The following SUGCT variants were observed in gnomAD, a reference collection of about 807,000 sequenced individuals.
SUGCT encodes the protein succinyl-CoA:glutarate-CoA transferase.
In SUGCT, 41 loss-of-function variants were observed where a neutral mutation model predicts 55.0. That is an observed-to-expected ratio of 0.74 (90% CI 0.58 to 0.97). The LOEUF (loss-of-function observed/expected upper bound fraction) is 0.97. Ranked by LOEUF, SUGCT falls within the 50% of genes least tolerant of loss-of-function variation. The pLI, the probability that SUGCT is intolerant of heterozygous loss-of-function variation, is 0.00. For synonymous variants in SUGCT, 187 were observed against 200.4 expected (o/e 0.93, Z 0.56); for missense variants, 568 against 547.8 (o/e 1.04, Z -0.37).
chr7:40,459,312 C>A, intron 11 of SUGCT, 114 bp downstream of exon 11: 1 of 693,236 alleles, frequency 1.4e-6, no homozygotes. Context: ...AATTCTCTTC[C>A]ATTTTACAAA....
chr7:40,204,806 A>G (rs979521918), intron 6 of SUGCT, among the ~76,000 whole-genome samples: 9 of 151,966 alleles, frequency 5.9e-5, no homozygotes, highest in Middle Eastern at 3.4e-3. Context: ...TGATGACACA[A>G]GCCTGTAGTT....
chr7:40,202,370 G>T (rs959200729), intron 6 of SUGCT, among the ~76,000 whole-genome samples: 2 of 152,048 alleles, frequency 1.3e-5, no homozygotes, highest in African/African-American at 4.8e-5. Context: ...CCAACTTCAG[G>T]CTACTTTCTT....
intron 7 of SUGCT, among the ~76,000 whole-genome samples, chr7:40,260,076 G>A (rs1472170437): frequency 6.6e-6 from 1 of 152,142 alleles, no homozygotes; most frequent in Non-Finnish European, 1.5e-5. Flanking sequence ...TATGGGACAG[G>A]CCCCTGAATC....
the SUGCT span, among the ~76,000 whole-genome samples, chr7:40,872,401 G>A: frequency 6.6e-6 from 1 of 152,120 alleles, no homozygotes; most frequent in Non-Finnish European, 1.5e-5. Flanking sequence ...TTCTAACGTG[G>A]AGGAAGCAAA....
the SUGCT span, among the ~76,000 whole-genome samples, chr7:40,866,621 C>T: frequency 1.3e-5 from 2 of 151,630 alleles, no homozygotes; most frequent in African/African-American, 4.9e-5. Context: ...AGACTGAAGC[C>T]CCCATTCTCA....
chr7:40,995,438 A>G, the SUGCT span, among the ~76,000 whole-genome samples: 1 of 149,610 alleles, frequency 6.7e-6, no homozygotes, highest in Non-Finnish European at 1.5e-5. Flanking sequence ...CACCATAACG[A>G]AAGTTCCATG....
chr7:40,152,233 T>A (rs1249106967), intron 1 of SUGCT, among the ~76,000 whole-genome samples: 3 of 152,204 alleles, frequency 2.0e-5, no homozygotes, highest in African/African-American at 7.2e-5. Flanking sequence ...AGTAAGAGAT[T>A]TGTTTTGGGA....
At chr7:40,507,049 A>G (rs903210655) in intron 12 of SUGCT, among the ~76,000 whole-genome samples, 52 of 151,852 alleles carry the variant, frequency 3.4e-4, no homozygotes, top group African/African-American at 1.2e-3. Flanking sequence ...TACCATCAGG[A>G]TCTCTTCAAA....
At chr7:40,760,096 G>A (rs1788459209) in intron 13 of SUGCT, among the ~76,000 whole-genome samples, 1 of 152,108 alleles carries the variant, frequency 6.6e-6, no homozygotes, top group Non-Finnish European at 1.5e-5. Context: ...AAAGACCCAA[G>A]ATATTAAGCT....
chr7:40,492,435 C>A (rs1791738247), intron 11 of SUGCT, among the ~76,000 whole-genome samples: 1 of 152,168 alleles, frequency 6.6e-6, no homozygotes, highest in Admixed American at 6.5e-5. Context: ...CCTACATCAG[C>A]CCATTGTCCG....
the SUGCT span, among the ~76,000 whole-genome samples, chr7:40,906,786 C>G: frequency 2.0e-5 from 3 of 152,150 alleles, no homozygotes; most frequent in East Asian, 1.9e-4. Context: ...AATAATACAA[C>G]TTTAAAAACT....
chr7:40,197,396 G>A (rs1786350458), intron 6 of SUGCT, among the ~76,000 whole-genome samples: 2 of 152,072 alleles, frequency 1.3e-5, no homozygotes, highest in African/African-American at 4.8e-5. Flanking sequence ...CCATAAAAAC[G>A]CTGCATAGCC....
At chr7:40,393,661 G>A (rs1036584319) in intron 9 of SUGCT, among the ~76,000 whole-genome samples, 1 of 152,132 alleles carries the variant, frequency 6.6e-6, no homozygotes, top group African/African-American at 2.4e-5. Context: ...TATGACCAAT[G>A]CATAGGTCCC....
chr7:40,539,428 T>C (rs1359624976), intron 12 of SUGCT: 1 of 152,204 alleles, frequency 6.6e-6, no homozygotes, highest in Admixed American at 6.5e-5. Flanking sequence ...GGACACAGAA[T>C]TCATGCTGTG....
At chr7:41,027,914 G>A in the SUGCT span, among the ~76,000 whole-genome samples, 2 of 152,176 alleles carry the variant, frequency 1.3e-5, no homozygotes, top group Non-Finnish European at 2.9e-5. Context: ...TGTCATCCCA[G>A]CAGACGCCAT....
chr7:41,001,470 G>C, the SUGCT span, among the ~76,000 whole-genome samples: 1 of 152,110 alleles, frequency 6.6e-6, no homozygotes, highest in Non-Finnish European at 1.5e-5. Context: ...ACTGAGAATG[G>C]GATGTTAACT....
intron 13 of SUGCT, among the ~76,000 whole-genome samples, chr7:40,819,764 T>A (rs1791880304): frequency 1.3e-5 from 2 of 152,340 alleles, no homozygotes; most frequent in African/African-American, 4.8e-5. Context: ...TTAGTTTAAT[T>A]AGATCCCATT....
chr7:40,689,351 C>G (rs1370904904), intron 12 of SUGCT, among the ~76,000 whole-genome samples: 1 of 152,120 alleles, frequency 6.6e-6, no homozygotes, highest in African/African-American at 2.4e-5. Flanking sequence ...TCTTTTTTAC[C>G]TTTTTTATGT....
chr7:40,337,266 G>GC (rs1272790780), intron 9 of SUGCT, among the ~76,000 whole-genome samples: 1 of 152,122 alleles, frequency 6.6e-6, no homozygotes, highest in Non-Finnish European at 1.5e-5. Flanking sequence ...TATTACTTCT[G>GC]CTTGGTGCAG....
Sources: gnomAD v4.1 joint callset for allele counts (sites outside exome capture counted in the v4.1 genomes callset) on GRCh38, gnomAD v4.1.1 for gene constraint, MANE v1.5 for transcripts, NCBI Gene and HGNC (gene_info 2026-07-23, HGNC 2026-07-21) for gene names.